The following EML5 variants were observed in gnomAD, a reference collection of about 807,000 sequenced individuals.
EML5 encodes the protein echinoderm microtubule-associated protein-like 5.
EML5 carries 120 observed loss-of-function variants against 250.0 expected under a neutral mutation model. That is an observed-to-expected ratio of 0.48 (90% CI 0.41 to 0.56). The LOEUF (loss-of-function observed/expected upper bound fraction) is 0.56, where lower values mean the gene tolerates loss of function less well. Ranked by LOEUF, EML5 falls within the 20% of genes least tolerant of loss-of-function variation. The pLI is 0.00. For missense variants in EML5, 2,006 were observed against 2,437.6 expected (o/e 0.82, Z 3.73); for synonymous variants, 771 against 806.5 (o/e 0.96, Z 0.75).
intron 20 of EML5, among the ~76,000 whole-genome samples, chr14:88,682,295 T>C (rs1595501821): frequency 6.6e-6 from 1 of 151,938 alleles, no homozygotes; most frequent in African/African-American, 2.4e-5. Flanking sequence ...GTGGAGAGAA[T>C]AGGAATTGGC....
In EML5 at chr14:88,618,845, C is replaced by G. The variant is rs756826110; in HGVS notation, c.5376-33G>C. ...AAAACAAAACGTAAAAAGTATTAGA[C>G]CACATGAAGTATTATAAATACTTAA... On this transcript the variant is annotated intron_variant, in intron 39 of 43. Coordinates refer to ENST00000554922, the MANE Select transcript of EML5 (RefSeq NM_183387.3). The G allele has an allele frequency of 2.0e-6, 3 of 1,536,984 alleles. No individual in the cohort carries two copies. In the South Asian group the frequency reaches 3.7e-5, roughly 19 times the overall value.
At chr14:88,672,165 A>C (rs2092479908) in intron 21 of EML5, among the ~76,000 whole-genome samples, 1 of 152,170 alleles carries the variant, frequency 6.6e-6, no homozygotes. Flanking sequence ...AACACTCCTC[A>C]GCAAGTACAA....
intron 3 of EML5, among the ~76,000 whole-genome samples, chr14:88,744,329 A>G (rs1162199059): frequency 6.6e-6 from 1 of 151,996 alleles, no homozygotes; most frequent in Non-Finnish European, 1.5e-5. Context: ...AAAATTTAAC[A>G]CCTCTGTTTA....
At chr14:88,703,828 T>C (rs1429642391) in intron 13 of EML5, among the ~76,000 whole-genome samples, 1 of 152,186 alleles carries the variant, frequency 6.6e-6, no homozygotes, top group East Asian at 1.9e-4. Context: ...CACAATATCA[T>C]TCCAAATTAG....
At chr14:88,747,631 C>T (rs2094025940) in intron 2 of EML5, among the ~76,000 whole-genome samples, 2 of 152,168 alleles carry the variant, frequency 1.3e-5, no homozygotes, top group South Asian at 4.2e-4. Context: ...TTCAAAATAT[C>T]TGTATATGAG....
chr14:88,663,647 A>G (rs2092207132), intron 23 of EML5, among the ~76,000 whole-genome samples: 1 of 152,182 alleles, frequency 6.6e-6, no homozygotes, highest in African/African-American at 2.4e-5. Flanking sequence ...TTCATATCAA[A>G]CAATGAGAAA....
chr14:88,691,034 C>A (rs1282907944), intron 17 of EML5, among the ~76,000 whole-genome samples: 1 of 152,208 alleles, frequency 6.6e-6, no homozygotes, highest in Non-Finnish European at 1.5e-5. Context: ...TAACTAGCAT[C>A]TGCCCAGAGT....
intron 1 of EML5, among the ~76,000 whole-genome samples, chr14:88,783,897 G>C (rs944568885): frequency 2.0e-5 from 3 of 152,210 alleles, no homozygotes; most frequent in African/African-American, 7.2e-5. Context: ...CTCAAGGATA[G>C]ACTGTGTGTT....
rs2091149413 is a variant in EML5, at chr14:88,642,923, A to G, written c.4207T>C (p.Ser1403Pro). ...DGDDIIYHTA[S>P]VGILHNVATG... ...GCAACATTGTGCAGAATTCCAACAGATGCAGTGTGATAAATTATATCATCA... is the reference window on the plus strand; with the variant it reads ...GCAACATTGTGCAGAATTCCAACAGGTGCAGTGTGATAAATTATATCATCA... The change falls in exon 31 of 44, where the codon TCT becomes CCT. Residue 1403 changes from serine to proline, a missense_variant. Transcript: ENST00000554922. 1.2e-6 allele frequency: 2 copies of G among 1,606,710 alleles called. No homozygotes were observed. Among genetic ancestry groups the G allele is most frequent in the Non-Finnish European group, 1.7e-6 (2 of 1,177,698 alleles).
At chr14:88,749,735 T>G (rs769481666) in intron 2 of EML5, among the ~76,000 whole-genome samples, 10 of 152,276 alleles carry the variant, frequency 6.6e-5, no homozygotes, top group Non-Finnish European at 1.0e-4. Flanking sequence ...GTCAATAAAT[T>G]TTAAAAAATT....
intron 1 of EML5, among the ~76,000 whole-genome samples, chr14:88,788,107 T>C (rs988846172): frequency 1.3e-5 from 2 of 152,158 alleles, no homozygotes; most frequent in African/African-American, 4.8e-5. Flanking sequence ...TCTAGAAGCA[T>C]TAAGTAGACT....
At chr14:88,765,327 T>C (rs1386297512) in intron 1 of EML5, among the ~76,000 whole-genome samples, 1 of 152,182 alleles carries the variant, frequency 6.6e-6, no homozygotes, top group Admixed American at 6.5e-5. Flanking sequence ...GAACGTTAGC[T>C]GAATTCAATT....
intron 1 of EML5, among the ~76,000 whole-genome samples, chr14:88,756,091 G>A (rs898241268): frequency 2.0e-5 from 3 of 152,190 alleles, no homozygotes; most frequent in Admixed American, 6.5e-5. Context: ...AAGATGACTC[G>A]GGTTTCTGGC....
chr14:88,713,569 C>T (rs1292216896), intron 9 of EML5, among the ~76,000 whole-genome samples: 1 of 151,790 alleles, frequency 6.6e-6, no homozygotes, highest in Non-Finnish European at 1.5e-5. Context: ...CCTTGAACTC[C>T]CAGCTCAAAT....
In EML5 at chr14:88,736,695, G is replaced by C. The variant is rs114539008; in HGVS notation, c.848-130C>G. 1.1e-3 allele frequency: 859 copies of C among 808,812 alleles called. 6 individuals are homozygous for C. In the African/African-American group the frequency reaches 0.013, roughly 13 times the overall value. 50.1% of individuals were successfully genotyped at this position (808,812 alleles called of 1,614,324 possible). On this transcript the variant is annotated intron_variant, in intron 6 of 43. Coordinates refer to ENST00000554922, the MANE Select transcript of EML5 (RefSeq NM_183387.3). ...ACCTTCAAACCTAAGACAGTTTAAA[G>C]CCTGAAAGCCAAGCTACAAGTCTCA...
intron 7 of EML5, among the ~76,000 whole-genome samples, chr14:88,735,092 A>G (rs1026757011): frequency 2.6e-5 from 4 of 152,304 alleles, no homozygotes; most frequent in African/African-American, 9.6e-5. Context: ...GAAAAAAAAG[A>G]CAAACTGGGG....
rs1567006170 is a variant in EML5 at position 88,614,961 on chromosome 14, T to C, written c.*857A>G. 1 of 151,822 alleles carries C rather than the reference T, an allele frequency of 6.6e-6. No individual in the cohort carries two copies. Among genetic ancestry groups the C allele is most frequent in the African/African-American group, 2.4e-5 (1 of 41,434 alleles). The allele number at this position is 151,822 out of a possible 1,614,324, so 9.4% of individuals were successfully genotyped here. On this transcript the variant is annotated 3_prime_UTR_variant, in exon 44 of 44. Transcript: ENST00000554922. ...CACTTTTGTTTACATGTTAAACAAA[T>C]GTGTATATATTAGACTACATTAAAT...
chr14:88,725,395 G>C (rs574049538), intron 8 of EML5, among the ~76,000 whole-genome samples: 1 of 152,116 alleles, frequency 6.6e-6, no homozygotes, highest in East Asian at 1.9e-4. Flanking sequence ...AGGCTCAGAA[G>C]TACAAGAAAA....
At chr14:88,763,255 T>C (rs2094272749) in intron 1 of EML5, among the ~76,000 whole-genome samples, 1 of 151,700 alleles carries the variant, frequency 6.6e-6, no homozygotes, top group Admixed American at 6.6e-5. Context: ...GATAGACAGC[T>C]AGCAAGACTA....
Sources: gnomAD v4.1 joint callset for allele counts (sites outside exome capture counted in the v4.1 genomes callset) on GRCh38, gnomAD v4.1.1 for gene constraint, MANE v1.5 for transcripts, NCBI Gene and HGNC (gene_info 2026-07-23, HGNC 2026-07-21) for gene names.